Variants in PLXDC2 observed in about 807,000 individuals in gnomAD.
PLXDC2 encodes plexin domain containing 2, also known as plexin domain-containing protein 2.
A neutral mutation model predicts 68.9 loss-of-function variants in PLXDC2; 40 were observed. The ratio of observed to expected loss-of-function variants is 0.58; its 90% CI spans 0.45 to 0.76. The LOEUF is 0.76. PLXDC2 is among the 30% of genes least tolerant of loss of function. The pLI is 0.00. For missense variants in PLXDC2, 644 were observed against 661.9 expected, an observed-to-expected ratio of 0.97 and a Z score of 0.30; for synonymous variants, 243 against 234.2, an observed-to-expected ratio of 1.04 and a Z score of -0.34.
chr10:20,101,196 G>A (rs1231320039), intron 4 of PLXDC2, among the ~76,000 whole-genome samples: 1 of 152,184 alleles, frequency 6.6e-6, no homozygotes, highest in Non-Finnish European at 1.5e-5. Context: ...GATGGGGGTA[G>A]TGTTGATCTA....
At chr10:19,983,557 C>T (rs1834588168) in intron 1 of PLXDC2, among the ~76,000 whole-genome samples, 1 of 152,146 alleles carries the variant, frequency 6.6e-6, no homozygotes, top group Admixed American at 6.6e-5. Context: ...AATAGCTGCT[C>T]TTACTTAGTA....
intron 1 of PLXDC2, among the ~76,000 whole-genome samples, chr10:19,848,886 G>T (rs74612122): frequency 1.3e-5 from 2 of 152,020 alleles, no homozygotes; most frequent in Non-Finnish European, 2.9e-5. Flanking sequence ...CAGAAAAGAC[G>T]ATTTCACTTC....
At chr10:20,105,779 G>T (rs1833483567) in intron 4 of PLXDC2, among the ~76,000 whole-genome samples, 1 of 152,274 alleles carries the variant, frequency 6.6e-6, no homozygotes, top group African/African-American at 2.4e-5. Context: ...CGGGCCTGGT[G>T]CCTTGTGAGA....
chr10:20,252,989 T>C (rs1218582848), intron 13 of PLXDC2, among the ~76,000 whole-genome samples: 1 of 152,010 alleles, frequency 6.6e-6, no homozygotes, highest in Admixed American at 6.6e-5. Context: ...ATCATAGAAC[T>C]TTTTATGGAG....
At position 20,071,224 on chromosome 10, in the gene PLXDC2, A is replaced by G. The variant is rs529718554; in HGVS notation, c.541+2985A>G. The G allele has an allele frequency of 9.9e-5, 15 of 152,270 alleles. No homozygotes were observed. The East Asian group carries it at 2.5e-3, about 25-fold the overall frequency. The allele number at this position is 152,270 out of a possible 1,614,324, so 9.4% of individuals were successfully genotyped here. ...TAGCTTGCTTGCTCTTTCTTTGTTC[A>G]TTTCATTCAATCAGTGTTTCTTGAG... On this transcript the variant is annotated intron_variant, in intron 4 of 13. Coordinates refer to ENST00000377252, the MANE Select transcript of PLXDC2 (RefSeq NM_032812.9).
intron 9 of PLXDC2, among the ~76,000 whole-genome samples, chr10:20,203,593 G>A (rs559578676): frequency 6.6e-6 from 1 of 152,068 alleles, no homozygotes; most frequent in Non-Finnish European, 1.5e-5. Context: ...TTACAGGCAT[G>A]AGCCACCGTG....
At chr10:20,166,620 T>C (rs1331387076) in intron 7 of PLXDC2, among the ~76,000 whole-genome samples, 1 of 152,150 alleles carries the variant, frequency 6.6e-6, no homozygotes, top group East Asian at 1.9e-4. Context: ...TATTAGTTGC[T>C]TTTTTTAATT....
intron 1 of PLXDC2, among the ~76,000 whole-genome samples, chr10:19,956,639 A>G (rs1834074472): frequency 6.6e-6 from 1 of 152,236 alleles, no homozygotes; most frequent in Non-Finnish European, 1.5e-5. Flanking sequence ...AAATGTACAC[A>G]TGGAAGGACA....
At chr10:19,896,611 CT>C (rs996123311) in intron 1 of PLXDC2, among the ~76,000 whole-genome samples, 1 of 152,128 alleles carries the variant, frequency 6.6e-6, no homozygotes, top group Non-Finnish European at 1.5e-5. Context: ...AGATTTCTAC[CT>C]TTGATTTTTT....
At position 19,930,380 on chromosome 10, in the gene PLXDC2, G is replaced by T. The variant is rs552756607; in HGVS notation, c.113-71395G>T. On this transcript the variant is annotated intron_variant, in intron 1 of 13. Transcript: ENST00000377252. ...GAGCTCTCTGCAAACCGCTAATAAGGTCTTTAGCTTTGTGATCTTAGCATA... is the reference window on the plus strand; with the variant it reads ...GAGCTCTCTGCAAACCGCTAATAAGTTCTTTAGCTTTGTGATCTTAGCATA... 8.0e-5 allele frequency among the ~76,000 whole-genome samples: 12 copies of T among 149,920 alleles called. No individual in the cohort carries two copies. In the East Asian group the frequency reaches 2.3e-3, roughly 29 times the overall value.
intron 2 of PLXDC2, among the ~76,000 whole-genome samples, chr10:20,007,564 A>G (rs1169569171): frequency 6.6e-6 from 1 of 152,236 alleles, no homozygotes. Context: ...GGGAGGTTTT[A>G]AAAATAGGTA....
At chr10:19,946,758 T>G (rs1179132458) in intron 1 of PLXDC2, among the ~76,000 whole-genome samples, 8 of 152,232 alleles carry the variant, frequency 5.3e-5, no homozygotes, top group Admixed American at 5.2e-4. Flanking sequence ...TCATCAGGCA[T>G]TAGATTCTCC....
chr10:19,961,150 C>G (rs1251480192), intron 1 of PLXDC2, among the ~76,000 whole-genome samples: 1 of 152,184 alleles, frequency 6.6e-6, no homozygotes, highest in South Asian at 2.1e-4. Context: ...TGGTAAAATA[C>G]CCCAAATGAA....
chr10:20,198,245 A>C (rs1834867587), intron 9 of PLXDC2, among the ~76,000 whole-genome samples: 1 of 152,144 alleles, frequency 6.6e-6, no homozygotes, highest in Non-Finnish European at 1.5e-5. Context: ...TTTGGAAAGT[A>C]GTTTGTAGAA....
intron 2 of PLXDC2, among the ~76,000 whole-genome samples, chr10:20,036,374 A>G (rs1191531171): frequency 6.6e-6 from 1 of 152,188 alleles, no homozygotes; most frequent in Non-Finnish European, 1.5e-5. Flanking sequence ...AGCCAGGAGG[A>G]GAGCCCTCAA....
intron 9 of PLXDC2, among the ~76,000 whole-genome samples, chr10:20,183,352 G>A (rs991616953): frequency 6.6e-6 from 1 of 151,854 alleles, no homozygotes; most frequent in Non-Finnish European, 1.5e-5. Context: ...TTGTGGCATG[G>A]CATCATAAGG....
At chr10:19,840,851 A>G (rs1035443634) in intron 1 of PLXDC2, among the ~76,000 whole-genome samples, 1 of 152,162 alleles carries the variant, frequency 6.6e-6, no homozygotes, top group Non-Finnish European at 1.5e-5. Flanking sequence ...AGCATTGAAT[A>G]TTACTGATTA....
At position 19,962,289 on chromosome 10, in the gene PLXDC2, T is replaced by C. The variant is rs539836145; in HGVS notation, c.113-39486T>C. Among the ~76,000 whole-genome samples, 3 of 151,410 alleles carry C rather than the reference T, an allele frequency of 2.0e-5. No homozygotes were observed. The South Asian group carries it at 6.3e-4, about 32-fold the overall frequency. On this transcript the variant is annotated intron_variant, in intron 1 of 13. Coordinates refer to ENST00000377252, the MANE Select transcript of PLXDC2 (RefSeq NM_032812.9). The stretch of plus-strand genomic sequence containing the variant: ...CAGATCCTCTGTTTGAAACTAGGAT[T>C]CTATCTTACAACAGTAATATGATAA...
intron 2 of PLXDC2, among the ~76,000 whole-genome samples, chr10:20,008,721 C>T (rs1190609493): frequency 6.6e-6 from 1 of 152,140 alleles, no homozygotes; most frequent in East Asian, 1.9e-4. Flanking sequence ...GTATAGCTCC[C>T]ATAATTCCCA....
Sources: allele counts gnomAD v4.1 joint callset (sites outside exome capture counted in the v4.1 genomes callset), GRCh38; gene constraint gnomAD v4.1.1; transcripts MANE v1.5; gene names NCBI Gene and HGNC (gene_info 2026-07-23, HGNC 2026-07-21).